IGSF21: variants seen among roughly 807,000 people sequenced by gnomAD.
The protein encoded by IGSF21 is immunoglobulin superfamily member 21.
IGSF21 carries 28 observed loss-of-function variants against 46.8 expected under a neutral mutation model. That is an observed-to-expected ratio of 0.60 (90% CI 0.44 to 0.82). The LOEUF (loss-of-function observed/expected upper bound fraction) is 0.82. Among genes scored for constraint, IGSF21 ranks in the 40% least tolerant of loss-of-function variants. The pLI is 0.00. For synonymous variants in IGSF21, 284 were observed against 273.6 expected (o/e 1.04, Z -0.38); for missense variants, 624 against 665.5 (o/e 0.94, Z 0.69).
At chr1:18,282,863 A>G (rs2124557549) in intron 2 of IGSF21, among the ~76,000 whole-genome samples, 1 of 152,256 alleles carries the variant, frequency 6.6e-6, no homozygotes, top group South Asian at 2.1e-4. Context: ...AAAACTACGC[A>G]TGAACATTCT....
At chr1:18,369,075 G>A (rs1348844285) in intron 6 of IGSF21, among the ~76,000 whole-genome samples, 1 of 152,160 alleles carries the variant, frequency 6.6e-6, no homozygotes, top group Non-Finnish European at 1.5e-5. Flanking sequence ...ATAAGCAGTG[G>A]GCCTGGACAG....
chr1:18,257,690 T>C (rs1428234459), intron 2 of IGSF21, among the ~76,000 whole-genome samples: 1 of 152,180 alleles, frequency 6.6e-6, no homozygotes, highest in Non-Finnish European at 1.5e-5. Context: ...GAATTTCTAC[T>C]GCATGCCTAC....
At chr1:18,249,094 T>C (rs1445084660) in intron 2 of IGSF21, among the ~76,000 whole-genome samples, 1 of 152,098 alleles carries the variant, frequency 6.6e-6, no homozygotes, top group Non-Finnish European at 1.5e-5. Context: ...AGGAAAGGAA[T>C]GGATAGCAGC....
At chr1:18,314,673 A>G (rs1477842236) in intron 3 of IGSF21, among the ~76,000 whole-genome samples, 2 of 152,208 alleles carry the variant, frequency 1.3e-5, no homozygotes, top group African/African-American at 4.8e-5. Flanking sequence ...GCTGGGACCC[A>G]GCCAGGGAGG....
In IGSF21 at chr1:18,344,951, G is replaced by T. The variant is rs558715578; in HGVS notation, c.424+9941G>T. 1.4e-3 allele frequency among the ~76,000 whole-genome samples: 218 copies of T among 152,334 alleles called. 1 individual carries two copies. Among genetic ancestry groups the T allele is most frequent in the Middle Eastern group, 3.4e-3 (1 of 294 alleles). ...GGAAGCGAGGAGGCTGCAGAGGGAG[G>T]CATGGGCTGGCTGGGATCCAGGCCA... is the stretch of plus-strand genomic sequence containing the variant. On this transcript the variant is annotated intron_variant, in intron 4 of 9. Transcript: ENST00000251296.
intron 4 of IGSF21, among the ~76,000 whole-genome samples, chr1:18,354,323 G>T (rs1366808749): frequency 6.6e-6 from 1 of 152,162 alleles, no homozygotes; most frequent in Non-Finnish European, 1.5e-5. Flanking sequence ...CCCAGAGGAG[G>T]TGCTCTTTTG....
At chr1:18,238,535 G>T (rs1481528473) in intron 2 of IGSF21, among the ~76,000 whole-genome samples, 1 of 152,102 alleles carries the variant, frequency 6.6e-6, no homozygotes, top group Non-Finnish European at 1.5e-5. Flanking sequence ...TCTTCTCTTG[G>T]GGATTAAGAT....
At chr1:18,244,853 G>A (rs991865712) in intron 2 of IGSF21, among the ~76,000 whole-genome samples, 8 of 152,102 alleles carry the variant, frequency 5.3e-5, no homozygotes, top group African/African-American at 1.9e-4. Context: ...CTGAGAGACA[G>A]CATTTTTAAG....
At chr1:18,181,869 C>T (rs772394899) in intron 1 of IGSF21, among the ~76,000 whole-genome samples, 1 of 152,132 alleles carries the variant, frequency 6.6e-6, no homozygotes, top group Non-Finnish European at 1.5e-5. Context: ...CTAGATAAGA[C>T]ACTGAGAGGG....
intron 2 of IGSF21, among the ~76,000 whole-genome samples, chr1:18,288,242 T>C (rs1253916101): frequency 1.3e-5 from 2 of 152,182 alleles, no homozygotes; most frequent in Non-Finnish European, 2.9e-5. Context: ...AGAGCCAGCC[T>C]AGGACCAAGC....
chr1:18,156,652 T>A (rs1462030626), intron 1 of IGSF21, among the ~76,000 whole-genome samples: 2 of 152,178 alleles, frequency 1.3e-5, no homozygotes, highest in Non-Finnish European at 2.9e-5. Context: ...TTAGCTCAAA[T>A]GTTGAGAAAC....
At chr1:18,221,863 G>A (rs2124500900) in intron 1 of IGSF21, among the ~76,000 whole-genome samples, 1 of 152,298 alleles carries the variant, frequency 6.6e-6, no homozygotes, top group Non-Finnish European at 1.5e-5. Flanking sequence ...GTACCCAAAA[G>A]GAAGGTGGGA....
chr1:18,237,952 A>G (rs1468421034), intron 2 of IGSF21, among the ~76,000 whole-genome samples: 1 of 152,140 alleles, frequency 6.6e-6, no homozygotes, highest in Non-Finnish European at 1.5e-5. Context: ...TCCTTGGGCC[A>G]GGGATTCTAT....
chr1:18,163,779 A>G lies in IGSF21; in HGVS notation c.70+55581A>G, dbSNP rs1008885513. On this transcript the variant is annotated intron_variant, in intron 1 of 9. Transcript: ENST00000251296. ...AGGGAAGGAACAGAAGTGCCCACCA[A>G]TGTCTTCTCTGACTTCACTGTGTCT... Among the ~76,000 whole-genome samples the G allele has an allele frequency of 3.3e-5, 5 of 152,268 alleles. No homozygotes were observed. In the East Asian group the frequency reaches 5.8e-4, roughly 18 times the overall value.
intron 2 of IGSF21, among the ~76,000 whole-genome samples, chr1:18,260,535 G>A (rs960671644): frequency 5.3e-5 from 8 of 152,240 alleles, no homozygotes; most frequent in African/African-American, 1.4e-4. Flanking sequence ...TGCAGAGGCC[G>A]TTTTGCACTC....
intron 1 of IGSF21, among the ~76,000 whole-genome samples, chr1:18,171,435 AG>A (rs1317391641): frequency 2.0e-5 from 3 of 152,150 alleles, no homozygotes; most frequent in African/African-American, 7.2e-5. Flanking sequence ...ATTCCTGGCA[AG>A]GGCTAAGTAA....
chr1:18,311,374 G>T (rs2085486906), intron 3 of IGSF21, among the ~76,000 whole-genome samples: 1 of 152,150 alleles, frequency 6.6e-6, no homozygotes, highest in Non-Finnish European at 1.5e-5. Flanking sequence ...CATCTGCCCT[G>T]GCCAAGTTCA....
chr1:18,377,122 A>G, intron 8 of IGSF21, 130 bp downstream of exon 8: 1 of 974,624 alleles, frequency 1.0e-6, no homozygotes, highest in Non-Finnish European at 1.5e-6. Context: ...TTGCCCTGAG[A>G]GGGTGCCCCA....
intron 2 of IGSF21, among the ~76,000 whole-genome samples, chr1:18,281,615 T>A (rs1322615786): frequency 6.8e-6 from 1 of 147,862 alleles, no homozygotes; most frequent in Non-Finnish European, 1.5e-5. Context: ...GGTGGCTGAA[T>A]AAGTCCCTCC....
Sources: gnomAD v4.1 joint callset for allele counts (sites outside exome capture counted in the v4.1 genomes callset) on GRCh38, gnomAD v4.1.1 for gene constraint, MANE v1.5 for transcripts, NCBI Gene and HGNC (gene_info 2026-07-23, HGNC 2026-07-21) for gene names.